GPC5: variants seen among roughly 807,000 people sequenced by gnomAD.
GPC5 encodes glypican-5.
Under a neutral mutation model 53.9 loss-of-function variants are expected in GPC5, and 47 were observed. The observed-to-expected ratio is 0.87, with a 90% CI of 0.69 to 1.11. The LOEUF (loss-of-function observed/expected upper bound fraction) is 1.11. Among genes scored for constraint, GPC5 ranks in the 50% most tolerant of loss-of-function variants. The pLI, the probability that GPC5 is intolerant of heterozygous loss-of-function variation, is 0.00. For synonymous variants in GPC5, 286 were observed against 263.3 expected, an observed-to-expected ratio of 1.09 and a Z score of -0.84; for missense variants, 748 against 713.1, an observed-to-expected ratio of 1.05 and a Z score of -0.56.
At chr13:92,182,480 T>C (rs2042153613) in intron 7 of GPC5, among the ~76,000 whole-genome samples, 1 of 152,254 alleles carries the variant, frequency 6.6e-6, no homozygotes, top group African/African-American at 2.4e-5. Flanking sequence ...TTAAGACATC[T>C]GATGGGTATA....
intron 7 of GPC5, among the ~76,000 whole-genome samples, chr13:92,438,339 A>G (rs921149421): frequency 2.0e-5 from 3 of 150,960 alleles, no homozygotes; most frequent in Admixed American, 6.6e-5. Context: ...CCAGTAAATG[A>G]CCTTTTTAAG....
chr13:92,060,389 C>A (rs938090475), intron 6 of GPC5, among the ~76,000 whole-genome samples: 2 of 151,866 alleles, frequency 1.3e-5, no homozygotes, highest in African/African-American at 4.8e-5. Flanking sequence ...CCTCATATAA[C>A]CATATACAGT....
At chr13:91,642,266 T>G (rs190525057) in intron 2 of GPC5, among the ~76,000 whole-genome samples, 177 of 152,266 alleles carry the variant, frequency 1.2e-3, no homozygotes, top group African/African-American at 4.0e-3. Context: ...AATCTGTAAC[T>G]CAAAAATGAT....
At chr13:92,764,087 G>A (rs527289252) in intron 7 of GPC5, among the ~76,000 whole-genome samples, 131 of 152,232 alleles carry the variant, frequency 8.6e-4, no homozygotes, top group African/African-American at 3.0e-3. Flanking sequence ...CAGCTCAGCC[G>A]TGGATGCATG....
chr13:91,859,187 T>C (rs970983508), intron 5 of GPC5, among the ~76,000 whole-genome samples: 2 of 151,942 alleles, frequency 1.3e-5, no homozygotes, highest in Admixed American at 6.6e-5. Context: ...TCTATACTTA[T>C]TTTGCATCTG....
chr13:92,164,088 C>T (rs1484035750), intron 7 of GPC5, among the ~76,000 whole-genome samples: 1 of 152,118 alleles, frequency 6.6e-6, no homozygotes, highest in African/African-American at 2.4e-5. Context: ...GGTCCTTTCC[C>T]CAACATGTGG....
intron 7 of GPC5, among the ~76,000 whole-genome samples, chr13:92,541,541 G>T (rs1881930886): frequency 6.6e-6 from 1 of 151,380 alleles, no homozygotes; most frequent in South Asian, 2.1e-4. Flanking sequence ...TTAGATACTA[G>T]TTACATTGTT....
intron 4 of GPC5, among the ~76,000 whole-genome samples, chr13:91,735,990 G>A (rs2036805735): frequency 6.6e-6 from 1 of 151,278 alleles, no homozygotes; most frequent in East Asian, 1.9e-4. Flanking sequence ...ATCTCATTGA[G>A]ATTACAGAGA....
chr13:92,043,604 T>C (rs763904995), intron 6 of GPC5, among the ~76,000 whole-genome samples: 2 of 152,212 alleles, frequency 1.3e-5, no homozygotes, highest in African/African-American at 4.8e-5. Context: ...TATTGTTATA[T>C]GTAGATCACA....
chr13:92,561,551 A>G (rs1257372309), intron 7 of GPC5, among the ~76,000 whole-genome samples: 2 of 152,052 alleles, frequency 1.3e-5, no homozygotes, highest in African/African-American at 2.4e-5. Flanking sequence ...TGTAGTAAGC[A>G]CTATACAAAT....
Position 92,196,307 on chromosome 13 carries a change from T to A in GPC5, c.1561+51318T>A, listed in dbSNP as rs189723330. The stretch of plus-strand genomic sequence containing the variant: ...ATTTTATAAGATTTAATTAGACAGA[T>A]TATGTTTTATTTTAAAGGTATGTAC... On this transcript the variant is annotated intron_variant, in intron 7 of 7. Transcript: ENST00000377067. 2.6e-5 allele frequency among the ~76,000 whole-genome samples: 4 copies of A among 152,260 alleles called. No individual in the cohort carries two copies. The East Asian group carries it at 7.7e-4, about 29-fold the overall frequency.
intron 6 of GPC5, among the ~76,000 whole-genome samples, chr13:92,018,100 C>T (rs2040724827): frequency 6.6e-6 from 1 of 152,062 alleles, no homozygotes; most frequent in African/African-American, 2.4e-5. Flanking sequence ...GTATCTGGAG[C>T]AAATTCTCAG....
chr13:91,625,665 G>A (rs2033980141), intron 2 of GPC5, among the ~76,000 whole-genome samples: 1 of 152,114 alleles, frequency 6.6e-6, no homozygotes, highest in African/African-American at 2.4e-5. Flanking sequence ...GGTAGAACAA[G>A]CCTAGTGTGA....
intron 7 of GPC5, among the ~76,000 whole-genome samples, chr13:92,503,076 A>C (rs1265653307): frequency 2.0e-5 from 3 of 152,040 alleles, no homozygotes; most frequent in Non-Finnish European, 4.4e-5. Context: ...CTTCTTTTAA[A>C]AAAATCTGTA....
intron 7 of GPC5, among the ~76,000 whole-genome samples, chr13:92,495,715 T>TTTG (rs1316188958): frequency 6.6e-6 from 1 of 151,980 alleles, no homozygotes; most frequent in South Asian, 2.1e-4. Context: ...GTTTTTTGTT[T>TTTG]TTGTTGTTGT....
chr13:91,432,203 C>CTGGTGTGTGTGTGTGTGTGTG (rs1555306318), intron 1 of GPC5, among the ~76,000 whole-genome samples: 1 of 136,354 alleles, frequency 7.3e-6, no homozygotes, highest in African/African-American at 2.8e-5. Flanking sequence ...GCTGCTGCTG[C>CTGGTGTGTGTGTGTGTGTGTG]TGTGTGTGTG....
chr13:92,128,823 C>T (rs1025424184), intron 6 of GPC5, among the ~76,000 whole-genome samples: 30 of 152,036 alleles, frequency 2.0e-4, no homozygotes, highest in African/African-American at 3.1e-4. Flanking sequence ...ATTAGCTGTG[C>T]GTGGTGGTGT....
chr13:91,459,213 T>TA (rs199682994), intron 2 of GPC5, among the ~76,000 whole-genome samples: 3,222 of 151,240 alleles, frequency 0.021, 57 homozygotes, highest in South Asian at 0.039. Context: ...CTATTGAAAT[T>TA]AAAAAAAAGA....
chr13:91,417,227 T>C (rs1878299868), intron 1 of GPC5, among the ~76,000 whole-genome samples: 1 of 152,186 alleles, frequency 6.6e-6, no homozygotes, highest in Non-Finnish European at 1.5e-5. Context: ...GGCTACTGTG[T>C]CATACCAAGG....
Sources: gnomAD v4.1 joint callset for allele counts (sites outside exome capture counted in the v4.1 genomes callset) on GRCh38, gnomAD v4.1.1 for gene constraint, MANE v1.5 for transcripts, NCBI Gene and HGNC (gene_info 2026-07-23, HGNC 2026-07-21) for gene names.